CUL5: variants seen among roughly 807,000 people sequenced by gnomAD.
CUL5 encodes cullin 5.
CUL5 carries 26 observed loss-of-function variants against 108.8 expected under a neutral mutation model. The observed-to-expected ratio is 0.24, with a 90% CI of 0.18 to 0.33. CUL5 has a LOEUF of 0.33. Among genes scored for constraint, CUL5 ranks in the 10% least tolerant of loss-of-function variants. CUL5 has a pLI of 1.00. For missense variants in CUL5, 524 were observed against 909.2 expected, an observed-to-expected ratio of 0.58 and a Z score of 5.45; for synonymous variants, 334 against 298.0, an observed-to-expected ratio of 1.12 and a Z score of -1.25.
intron 10 of CUL5, among the ~76,000 whole-genome samples, chr11:108,074,850 A>G (rs969693273): frequency 6.6e-6 from 1 of 152,146 alleles, no homozygotes; most frequent in Non-Finnish European, 1.5e-5. Flanking sequence ...TAGGTAAAGT[A>G]GGAAAGGAGT....
intron 2 of CUL5, among the ~76,000 whole-genome samples, chr11:108,042,345 A>G (rs943061912): frequency 6.6e-6 from 1 of 151,032 alleles, no homozygotes; most frequent in Non-Finnish European, 1.5e-5. Flanking sequence ...CAGCCTCCCA[A>G]ATTGCTGGGA....
intron 2 of CUL5, among the ~76,000 whole-genome samples, chr11:108,039,913 G>T (rs1862849960): frequency 6.6e-6 from 1 of 151,804 alleles, no homozygotes; most frequent in African/African-American, 2.4e-5. Context: ...GTGTTTCTTG[G>T]TCTTAGTTAG....
At chr11:108,010,607 A>G (rs563932061) in intron 1 of CUL5, among the ~76,000 whole-genome samples, 2 of 152,354 alleles carry the variant, frequency 1.3e-5, no homozygotes, top group African/African-American at 4.8e-5. Context: ...TCATAGGAAC[A>G]TTGTGAAGAT....
At chr11:108,062,819 T>C (rs1863574274) in intron 7 of CUL5, among the ~76,000 whole-genome samples, 1 of 152,112 alleles carries the variant, frequency 6.6e-6, no homozygotes, top group Admixed American at 6.6e-5. Flanking sequence ...AATACTATGT[T>C]TTATTCATTC....
intron 4 of CUL5, 138 bp from the exon 5 acceptor site, chr11:108,052,522 A>G: frequency 1.4e-6 from 1 of 697,680 alleles, no homozygotes; most frequent in South Asian, 2.4e-5. Context: ...TCGGCCTCCC[A>G]AATTGTTGGG....
intron 2 of CUL5, among the ~76,000 whole-genome samples, chr11:108,042,420 C>T (rs1862949190): frequency 1.3e-5 from 2 of 151,910 alleles, no homozygotes; most frequent in South Asian, 2.1e-4. Flanking sequence ...CGGGGTTTCA[C>T]CATGTTGTCT....
At chr11:108,033,144 A>T (rs1012382113) in intron 1 of CUL5, among the ~76,000 whole-genome samples, 3 of 152,194 alleles carry the variant, frequency 2.0e-5, no homozygotes, top group African/African-American at 7.2e-5. Context: ...TAAGTTTAGG[A>T]GAGTTCCAAA....
chr11:108,091,732 C>CACACACACACACACACACA (rs1555024090), intron 13 of CUL5, among the ~76,000 whole-genome samples: 3 of 149,800 alleles, frequency 2.0e-5, no homozygotes, highest in African/African-American at 7.4e-5. Flanking sequence ...CACACACACA[C>CACACACACACACACACACA]GACAAATAAT....
At chr11:108,089,102 GAAA>G (rs967384065) in intron 12 of CUL5, among the ~76,000 whole-genome samples, 1 of 150,720 alleles carries the variant, frequency 6.6e-6, no homozygotes, top group Admixed American at 6.6e-5. Flanking sequence ...ATACAAACAA[GAAA>G]AAAAATAAGA....
intron 7 of CUL5, among the ~76,000 whole-genome samples, chr11:108,061,251 A>G (rs908485669): frequency 6.6e-6 from 1 of 152,230 alleles, no homozygotes; most frequent in African/African-American, 2.4e-5. Context: ...AGGATCAACT[A>G]TGTATATAGT....
chr11:108,039,203 A>G (rs1026927745), intron 2 of CUL5, among the ~76,000 whole-genome samples: 2 of 151,994 alleles, frequency 1.3e-5, no homozygotes, highest in African/African-American at 4.8e-5. Context: ...TGTATTTAGT[A>G]GAGATGGGGT....
In CUL5 at chr11:108,094,263, A is replaced by G. The variant is rs895299791; in HGVS notation, c.1444-128A>G. On this transcript the variant is annotated intron_variant, in intron 13 of 18. Coordinates refer to ENST00000393094, the MANE Select transcript of CUL5 (RefSeq NM_003478.6). Reference sequence around the variant, plus strand: ...CAAATTTCATAGGTATTAGACAATAAAATTCTAATAAATGAGAAAAATTTT... The same window carrying G: ...CAAATTTCATAGGTATTAGACAATAGAATTCTAATAAATGAGAAAAATTTT... The G allele has an allele frequency of 1.1e-4, 74 of 691,842 alleles. No homozygotes were observed. In the Middle Eastern group the frequency reaches 1.7e-3, roughly 15 times the overall value. 42.9% of individuals were successfully genotyped at this position (691,842 alleles called of 1,614,324 possible).
intron 7 of CUL5, among the ~76,000 whole-genome samples, chr11:108,063,661 A>AAAAAT (rs1555018732): frequency 0.16 from 23,416 of 149,610 alleles, 2,233 homozygotes; most frequent in African/African-American, 0.27. Flanking sequence ...AAATTTAAAA[A>AAAAAT]AAATAAATAA....
intron 2 of CUL5, among the ~76,000 whole-genome samples, chr11:108,045,194 A>G (rs1285124106): frequency 6.6e-6 from 1 of 152,218 alleles, no homozygotes; most frequent in East Asian, 1.9e-4. Flanking sequence ...TCAATTTATG[A>G]TAGCTTTTGT....
At chr11:108,093,426 A>G (rs1007271781) in intron 13 of CUL5, among the ~76,000 whole-genome samples, 1 of 152,124 alleles carries the variant, frequency 6.6e-6, no homozygotes, top group East Asian at 1.9e-4. Context: ...TGCTTTCACT[A>G]AGTTCCTCAA....
At chr11:108,034,915 T>C (rs751799211) in intron 2 of CUL5, among the ~76,000 whole-genome samples, 1 of 152,198 alleles carries the variant, frequency 6.6e-6, no homozygotes, top group Non-Finnish European at 1.5e-5. Context: ...TTTAAAACTT[T>C]TCAAAATGGG....
chr11:108,069,693 A>G (rs1328212281), intron 7 of CUL5, among the ~76,000 whole-genome samples: 2 of 152,224 alleles, frequency 1.3e-5, no homozygotes, highest in Non-Finnish European at 2.9e-5. Flanking sequence ...TGTCTCTTAA[A>G]TACTTCCTTA....
chr11:108,011,080 TTAA>T (rs1862046983), intron 1 of CUL5, among the ~76,000 whole-genome samples: 1 of 152,262 alleles, frequency 6.6e-6, no homozygotes, highest in South Asian at 2.1e-4. Context: ...CAGTATGCTA[TTAA>T]TTGAAACGTG....
intron 1 of CUL5, among the ~76,000 whole-genome samples, chr11:108,022,859 G>A (rs1050405408): frequency 1.3e-5 from 2 of 151,882 alleles, no homozygotes; most frequent in African/African-American, 4.8e-5. Context: ...CTAAAAAAAA[G>A]TCAATTATAA....
Sources: allele counts gnomAD v4.1 joint callset (sites outside exome capture counted in the v4.1 genomes callset), GRCh38; gene constraint gnomAD v4.1.1; transcripts MANE v1.5; gene names NCBI Gene and HGNC (gene_info 2026-07-23, HGNC 2026-07-21).